TMEM68: variants seen among roughly 807,000 people sequenced by gnomAD.
TMEM68 encodes DGAT1/2-independent enzyme synthesizing storage lipids.
Under a neutral mutation model 36.9 loss-of-function variants are expected in TMEM68, and 25 were observed. The observed-to-expected ratio is 0.68, with a 90% CI of 0.49 to 0.95. The LOEUF is 0.95. Among genes scored for constraint, TMEM68 ranks in the 40% least tolerant of loss-of-function variants. TMEM68 has a pLI of 0.00. For missense variants in TMEM68, 333 were observed against 392.0 expected, an observed-to-expected ratio of 0.85 and a Z score of 1.27; for synonymous variants, 131 against 124.4, an observed-to-expected ratio of 1.05 and a Z score of -0.35.
intron 7 of TMEM68, among the ~76,000 whole-genome samples, chr8:55,741,947 T>A (rs1029273417): frequency 6.6e-6 from 1 of 151,962 alleles, no homozygotes; most frequent in Non-Finnish European, 1.5e-5. Flanking sequence ...TTCCAGCTAT[T>A]TGGGAGGCTG....
At chr8:55,750,759 C>CA (rs772518071) in intron 5 of TMEM68, 305 of 454,522 alleles carry the variant, frequency 6.7e-4, no homozygotes, top group Non-Finnish European at 1.0e-3. Flanking sequence ...AGGCTGGTCT[C>CA]AAACTCCTGA....
At chr8:55,759,025 A>T (rs1329488099) in intron 3 of TMEM68, among the ~76,000 whole-genome samples, 2 of 152,204 alleles carry the variant, frequency 1.3e-5, no homozygotes, top group Non-Finnish European at 2.9e-5. Flanking sequence ...GTATGAGAAC[A>T]TCCTTATTTG....
In TMEM68 at chr8:55,754,706, TTA is replaced by T. The variant is rs1290695302; in HGVS notation, c.493+1536_493+1537del. ...TATATATTATATATGAAATACATACTTATATATATATTATATATAAAATACAT... is the reference window on the plus strand; with the variant it reads ...TATATATTATATATGAAATACATACTTATATATATTATATATAAAATACAT... On this transcript the variant is annotated intron_variant, in intron 4 of 7. Coordinates refer to ENST00000434581, the MANE Select transcript of TMEM68 (RefSeq NM_001286657.2). Among the ~76,000 whole-genome samples, 860 of 126,152 alleles carry T rather than the reference TTA, an allele frequency of 6.8e-3. 26 individuals carry two copies. Among genetic ancestry groups the T allele is most frequent in the African/African-American group, 0.023 (735 of 32,158 alleles). The allele number at this position is 126,152 out of a possible 152,430, so 82.8% of individuals were successfully genotyped here.
At chr8:55,768,273 C>G (rs1241767447) in intron 1 of TMEM68, among the ~76,000 whole-genome samples, 1 of 152,076 alleles carries the variant, frequency 6.6e-6, no homozygotes, top group Non-Finnish European at 1.5e-5. Flanking sequence ...AGAAGCAGCT[C>G]CCCTTTACCC....
intron 4 of TMEM68, among the ~76,000 whole-genome samples, chr8:55,754,705 CTTATATATATA>C (rs1489176701): frequency 1.7e-5 from 2 of 114,922 alleles, no homozygotes; most frequent in African/African-American, 7.0e-5. Flanking sequence ...GAAATACATA[CTTATATATATA>C]TTATATATAA....
chr8:55,763,946 A>G lies in TMEM68; in HGVS notation c.-80T>C, dbSNP rs1810884726. 1 of 152,258 alleles carries G rather than the reference A, an allele frequency of 6.6e-6. No individual in the cohort carries two copies. Among genetic ancestry groups the G allele is most frequent in the East Asian group, 1.9e-4 (1 of 5,204 alleles). 9.4% of individuals were successfully genotyped at this position (152,258 alleles called of 1,614,324 possible). On this transcript the variant is annotated 5_prime_UTR_variant, in exon 2 of 8. Coordinates refer to ENST00000434581, the MANE Select transcript of TMEM68 (RefSeq NM_001286657.2). ...AGTCATTGGACTTACCAGAAGTTAG[A>G]TAAATATCTTGTCCCAAACTTCAAT...
chr8:55,756,450 C>A (rs2129978980), intron 3 of TMEM68, 39 bp from the exon 4 acceptor site: 1 of 1,519,738 alleles, frequency 6.6e-7, no homozygotes, highest in East Asian at 2.4e-5. Context: ...AAAATATATT[C>A]ATTAATTCGT....
At chr8:55,772,416 A>C (rs1026025140) in intron 1 of TMEM68, among the ~76,000 whole-genome samples, 2 of 152,152 alleles carry the variant, frequency 1.3e-5, no homozygotes, top group African/African-American at 4.8e-5. Context: ...ACCACACACC[A>C]AATACTAACT....
At chr8:55,759,143 G>C (rs942878451) in intron 3 of TMEM68, among the ~76,000 whole-genome samples, 7 of 151,800 alleles carry the variant, frequency 4.6e-5, no homozygotes, top group African/African-American at 1.7e-4. Context: ...AAGTAGGCCA[G>C]GTGTGATGGC....
intron 3 of TMEM68, among the ~76,000 whole-genome samples, chr8:55,758,912 A>G (rs1350601139): frequency 6.6e-6 from 1 of 152,242 alleles, no homozygotes; most frequent in East Asian, 1.9e-4. Flanking sequence ...ATAAAAAAAT[A>G]GAGTCAAATA....
intron 3 of TMEM68, chr8:55,761,031 T>C (rs904780167): frequency 4.6e-5 from 7 of 152,134 alleles, no homozygotes; most frequent in African/African-American, 1.7e-4. Context: ...TAATAAACAA[T>C]TGAACTACTC....
intron 1 of TMEM68, among the ~76,000 whole-genome samples, chr8:55,765,615 C>T (rs182220482): frequency 6.6e-6 from 1 of 152,328 alleles, no homozygotes; most frequent in East Asian, 1.9e-4. Flanking sequence ...CATACTGACT[C>T]ATTCAGCTAA....
chr8:55,743,667 C>A (rs1376755808), intron 6 of TMEM68, 47 bp from the exon 7 acceptor site: 1 of 1,482,284 alleles, frequency 6.7e-7, no homozygotes. Context: ...AGTATTCTGA[C>A]CATGTAACTG....
chr8:55,765,601 C>T (rs1203627537), intron 1 of TMEM68, among the ~76,000 whole-genome samples: 1 of 152,058 alleles, frequency 6.6e-6, no homozygotes, highest in African/African-American at 2.4e-5. Flanking sequence ...TTTGGTAACT[C>T]GATCATACTG....
At chr8:55,747,270 G>A (rs1009806556) in intron 5 of TMEM68, 5 of 152,212 alleles carry the variant, frequency 3.3e-5, no homozygotes, top group African/African-American at 9.7e-5. Flanking sequence ...GCTGAGGCAG[G>A]AGAATCACCT....
At chr8:55,753,817 C>T (rs192000235) in intron 4 of TMEM68, among the ~76,000 whole-genome samples, 3 of 152,322 alleles carry the variant, frequency 2.0e-5, no homozygotes, top group East Asian at 1.9e-4. Flanking sequence ...GTCGGCTAGA[C>T]GCAGTGCCTC....
chr8:55,771,509 C>T (rs570606376), intron 1 of TMEM68, among the ~76,000 whole-genome samples: 2 of 151,824 alleles, frequency 1.3e-5, no homozygotes, highest in East Asian at 3.9e-4. Flanking sequence ...CCCAGCTACT[C>T]GGGGGGCTGA....
Position 55,756,233 on chromosome 8 carries a change from T to C in TMEM68, c.493+11A>G. ...AACATTTTTACATTACTATCTACAG[T>C]GAAAGTTTACCTGGAATTTTAAAGA... On this transcript the variant is annotated intron_variant, in intron 4 of 7. Coordinates refer to ENST00000434581, the MANE Select transcript of TMEM68 (RefSeq NM_001286657.2). 6.3e-7 allele frequency: 1 copy of C among 1,595,524 alleles called. No homozygotes were observed. The highest frequency in any genetic ancestry group is 8.5e-7 in the Non-Finnish European group (1 of 1,175,406).
rs1290164544 is a variant in TMEM68 at position 55,767,222 on chromosome 8, C to T, written c.-114-3242G>A. Among the ~76,000 whole-genome samples, 3 of 152,088 alleles carry T rather than the reference C, an allele frequency of 2.0e-5. No individual in the cohort carries two copies. In the East Asian group the frequency reaches 5.8e-4, roughly 29 times the overall value. On this transcript the variant is annotated intron_variant, in intron 1 of 7. Coordinates refer to ENST00000434581, the MANE Select transcript of TMEM68 (RefSeq NM_001286657.2). ...GTGTAAAAAAACTCTTAGAAGAGTG[C>T]TTTCTACCATATAAGCATTAACTAT...
Sources: allele counts gnomAD v4.1 joint callset (sites outside exome capture counted in the v4.1 genomes callset), GRCh38; gene constraint gnomAD v4.1.1; transcripts MANE v1.5; gene names NCBI Gene and HGNC (gene_info 2026-07-23, HGNC 2026-07-21).